Variants in ARHGAP10 observed in about 807,000 individuals in gnomAD.
The protein encoded by ARHGAP10 is rho GTPase-activating protein 10.
In ARHGAP10, 87 loss-of-function variants were observed where a neutral mutation model predicts 108.6. That is an observed-to-expected ratio of 0.80 (90% confidence interval 0.67 to 0.96). The LOEUF is 0.96. Among genes scored for constraint, ARHGAP10 ranks in the 40% least tolerant of loss-of-function variants. The pLI is 0.00. For synonymous variants in ARHGAP10, 347 were observed against 341.1 expected, an observed-to-expected ratio of 1.02 and a Z score of -0.19; for missense variants, 939 against 954.5, an observed-to-expected ratio of 0.98 and a Z score of 0.21.
chr4:148,016,715 G>C (rs1307211948), intron 18 of ARHGAP10, among the ~76,000 whole-genome samples: 1 of 152,076 alleles, frequency 6.6e-6, no homozygotes, highest in East Asian at 1.9e-4. Flanking sequence ...AGATGCCACA[G>C]ATTGAGGGCT....
In ARHGAP10 at chr4:147,875,025, G is replaced by C. The variant is rs776974905; in HGVS notation, c.707G>C (p.Arg236Pro). The C allele has an allele frequency of 4.9e-5, 78 of 1,581,168 alleles. No individual in the cohort carries two copies. Among genetic ancestry groups the C allele is most frequent in the Non-Finnish European group, 6.2e-5 (73 of 1,170,074 alleles). Residue 236 changes from arginine (R) to proline (P), a missense_variant, in exon 8 of 23, where the codon CGG becomes CCG. By Grantham distance (103) the Arg-to-Pro change is moderately radical (BLOSUM62 -2). Coordinates refer to ENST00000336498, the MANE Select transcript of ARHGAP10 (RefSeq NM_024605.4). ...GTGTTTTTTAATCCATTTCAGACAC[G>C]GAATCGATTTGAAGGAACAAGGTCA... ...MELQINIQNT[R>P]NRFEGTRSEV...
chr4:147,906,248 G>A (rs540261515), intron 10 of ARHGAP10, among the ~76,000 whole-genome samples: 1 of 152,312 alleles, frequency 6.6e-6, no homozygotes, highest in East Asian at 1.9e-4. Flanking sequence ...GTTCATAGCA[G>A]CACTGTTCAC....
rs369338341 is a variant in ARHGAP10 at position 148,072,113 on chromosome 4, C to A, written c.*32C>A. Reference sequence around the variant, plus strand: ...GCCTCAGAGCCCCTGCTGACCCTGGCACCCAGGGACCTGCCTGGGGGCAGA... The same window carrying A: ...GCCTCAGAGCCCCTGCTGACCCTGGAACCCAGGGACCTGCCTGGGGGCAGA... On this transcript the variant is annotated 3_prime_UTR_variant, in exon 23 of 23. Transcript: ENST00000336498. 631 of 1,586,618 alleles carry A rather than the reference C, an allele frequency of 4.0e-4. No homozygotes were observed. Among genetic ancestry groups the A allele is most frequent in the Non-Finnish European group, 4.9e-4 (566 of 1,163,612 alleles).
intron 1 of ARHGAP10, among the ~76,000 whole-genome samples, chr4:147,761,460 G>A (rs1356140397): frequency 6.6e-6 from 1 of 152,124 alleles, no homozygotes; most frequent in African/African-American, 2.4e-5. Flanking sequence ...GTACTTTTGG[G>A]TGGCGCCAAC....
At chr4:147,877,819 C>CTTTTTTTTTTTTTTTTT (rs549355620) in intron 8 of ARHGAP10, among the ~76,000 whole-genome samples, 10 of 131,462 alleles carry the variant, frequency 7.6e-5, no homozygotes, top group African/African-American at 2.8e-4. Context: ...ATTCTTCATA[C>CTTTTTTTTTTTTTTTTT]TTTTTTTTTT....
chr4:147,784,344 T>C (rs1045880144), intron 1 of ARHGAP10, among the ~76,000 whole-genome samples: 2 of 129,652 alleles, frequency 1.5e-5, no homozygotes, highest in Non-Finnish European at 3.1e-5. Flanking sequence ...CATTAAATTA[T>C]ATATAATTTA....
intron 1 of ARHGAP10, among the ~76,000 whole-genome samples, chr4:147,792,257 C>T (rs1731152978): frequency 6.6e-6 from 1 of 152,178 alleles, no homozygotes; most frequent in Non-Finnish European, 1.5e-5. Context: ...CTTATTGTTT[C>T]TAACTTGAAT....
intron 18 of ARHGAP10, among the ~76,000 whole-genome samples, chr4:148,004,836 C>T (rs575598797): frequency 6.6e-6 from 1 of 152,190 alleles, no homozygotes; most frequent in South Asian, 2.1e-4. Context: ...TGTGCTTAGC[C>T]TCTGGACCCA....
chr4:147,881,479 A>C (rs1735325345), intron 9 of ARHGAP10, among the ~76,000 whole-genome samples: 1 of 152,152 alleles, frequency 6.6e-6, no homozygotes, highest in East Asian at 1.9e-4. Flanking sequence ...TTCTACTGAA[A>C]ATACAAAAAT....
At chr4:147,802,988 CT>C (rs1220943532) in intron 1 of ARHGAP10, among the ~76,000 whole-genome samples, 3 of 150,810 alleles carry the variant, frequency 2.0e-5, no homozygotes, top group African/African-American at 7.4e-5. Flanking sequence ...CCTCTCTCCA[CT>C]TTTTTTCCCT....
chr4:147,845,780 A>G (rs113475691), intron 3 of ARHGAP10, among the ~76,000 whole-genome samples: 4 of 152,308 alleles, frequency 2.6e-5, no homozygotes, highest in Admixed American at 6.5e-5. Context: ...TAAGTTATCT[A>G]TGAGACACTG....
At chr4:147,863,716 T>C (rs1292667675) in intron 5 of ARHGAP10, 2 of 152,196 alleles carry the variant, frequency 1.3e-5, no homozygotes, top group African/African-American at 4.8e-5. Flanking sequence ...ACTATTGAAT[T>C]CTGGTTAATG....
chr4:148,036,396 C>A (rs1160231953), intron 19 of ARHGAP10, among the ~76,000 whole-genome samples: 2 of 152,148 alleles, frequency 1.3e-5, no homozygotes, highest in African/African-American at 4.8e-5. Context: ...TTCCTATAAT[C>A]CCCACGTGTC....
At chr4:147,768,388 A>G (rs898817978) in intron 1 of ARHGAP10, among the ~76,000 whole-genome samples, 1 of 152,200 alleles carries the variant, frequency 6.6e-6, no homozygotes, top group Non-Finnish European at 1.5e-5. Flanking sequence ...GTGTCTGGAA[A>G]CATTGTAAAC....
intron 1 of ARHGAP10, among the ~76,000 whole-genome samples, chr4:147,802,219 G>A (rs894190592): frequency 6.6e-6 from 1 of 152,116 alleles, no homozygotes. Context: ...TATCTGACCT[G>A]TATTGAAGAA....
chr4:148,033,108 GA>G (rs1451901710), intron 19 of ARHGAP10, among the ~76,000 whole-genome samples: 1 of 152,132 alleles, frequency 6.6e-6, no homozygotes, highest in Non-Finnish European at 1.5e-5. Flanking sequence ...CTTCACTGAA[GA>G]GTCAGTTTGG....
At chr4:148,062,504 C>T (rs186519331) in intron 20 of ARHGAP10, among the ~76,000 whole-genome samples, 3 of 152,306 alleles carry the variant, frequency 2.0e-5, no homozygotes, top group African/African-American at 7.2e-5. Flanking sequence ...CAGATTAACA[C>T]GCATCAATTA....
At chr4:147,815,720 G>C (rs531733242) in intron 1 of ARHGAP10, among the ~76,000 whole-genome samples, 1 of 9,670 alleles carries the variant, frequency 1.0e-4, no homozygotes, top group African/African-American at 4.2e-4. Context: ...GGCGATAGGC[G>C]TGGTGGTGGT....
chr4:147,827,650 A>G (rs1732769601), intron 3 of ARHGAP10, among the ~76,000 whole-genome samples: 1 of 151,992 alleles, frequency 6.6e-6, no homozygotes, highest in Admixed American at 6.6e-5. Context: ...ACTTTGAAAG[A>G]CTCTTGTTTT....
Sources: gnomAD v4.1 joint callset for allele counts (sites outside exome capture counted in the v4.1 genomes callset) on GRCh38, gnomAD v4.1.1 for gene constraint, MANE v1.5 for transcripts, NCBI Gene and HGNC (gene_info 2026-07-23, HGNC 2026-07-21) for gene names.